TP53I13: variants seen among roughly 807,000 people sequenced by gnomAD.
TP53I13 encodes tumor protein p53 inducible protein 13.
In TP53I13, 27 loss-of-function variants were observed where a neutral mutation model predicts 39.1. That is an observed-to-expected ratio of 0.69 (90% CI 0.51 to 0.95). The LOEUF (loss-of-function observed/expected upper bound fraction) is 0.95, where lower values mean the gene tolerates loss of function less well. TP53I13 is among the 40% of genes least tolerant of loss of function. TP53I13 has a pLI of 0.00. For synonymous variants in TP53I13, 230 were observed against 224.6 expected (o/e 1.02, Z -0.22); for missense variants, 544 against 520.4 (o/e 1.05, Z -0.44).
chr17:29,571,471 G>T, intron 3 of TP53I13, 120 bp from the exon 4 acceptor site: 1 of 1,408,368 alleles, frequency 7.1e-7, no homozygotes, highest in East Asian at 2.4e-5. Flanking sequence ...GGGCCCTGAA[G>T]GTAGAAGAGC....
upstream of TP53I13, chr17:29,566,452 C>T (rs769028784): frequency 1.2e-6 from 2 of 1,612,172 alleles, no homozygotes; most frequent in African/African-American, 2.7e-5. Flanking sequence ...GAGCACGTTG[C>T]GGGTGAGGCG....
At chr17:29,571,488 G>T in intron 3 of TP53I13, 103 bp from the exon 4 acceptor site, 2 of 1,512,444 alleles carry the variant, frequency 1.3e-6, no homozygotes, top group South Asian at 2.5e-5. Context: ...GAGCCATCCA[G>T]CTATCCTGGG....
At chr17:29,569,403 G>A in intron 3 of TP53I13, 44 bp downstream of exon 3, 1 of 1,595,648 alleles carries the variant, frequency 6.3e-7, no homozygotes, top group Non-Finnish European at 8.6e-7. Context: ...TCCACGCCTG[G>A]AGACAGGCGC....
chr17:29,574,652 C>T (rs908517651), downstream of TP53I13: 36 of 1,427,458 alleles, frequency 2.5e-5, no homozygotes, highest in Non-Finnish European at 3.1e-5. Context: ...TGGCCCAGCT[C>T]CTATGGCCAG....
At chr17:29,577,612 G>T, downstream of TP53I13, 1 of 1,387,876 alleles carries the variant, frequency 7.2e-7, no homozygotes, top group Non-Finnish European at 1.0e-6. Flanking sequence ...GGATGAAGTA[G>T]ACCACCCCAG....
intron 5 of TP53I13, 21 bp from the exon 6 acceptor site, chr17:29,572,121 T>G: frequency 1.9e-6 from 3 of 1,610,026 alleles, no homozygotes; most frequent in South Asian, 1.1e-5. Context: ...GCAGGGTGAT[T>G]GCTCTCTCTC....
At chr17:29,568,455 C>A, upstream of TP53I13, 1 of 152,764 alleles carries the variant, frequency 6.5e-6, no homozygotes, top group Non-Finnish European at 1.5e-5. The surrounding 1 kb of genome is among the most constrained non-coding windows in gnomAD (Gnocchi z 4.5). Context: ...GACGAATCCC[C>A]GGACGAGGAA....
chr17:29,578,383 G>A, the TP53I13 span: 3 of 1,613,504 alleles, frequency 1.9e-6, no homozygotes, highest in Non-Finnish European at 2.5e-6. Flanking sequence ...TGGAGGAAGA[G>A]AGGGGCCCAG....
chr17:29,581,723 C>T, the TP53I13 span: 5 of 1,594,290 alleles, frequency 3.1e-6, no homozygotes, highest in Non-Finnish European at 4.3e-6. This position sits in a 1 kb window ranked among gnomAD's most constrained non-coding sequence, Gnocchi z 4.8. Flanking sequence ...CAGCCAGGCG[C>T]CCCCCAAGCT....
chr17:29,575,253 A>G (rs1448453890), downstream of TP53I13: 1 of 1,587,612 alleles, frequency 6.3e-7, no homozygotes, highest in South Asian at 1.1e-5. The surrounding 1 kb of genome is among the most constrained non-coding windows in gnomAD (Gnocchi z 5.5). Context: ...GCCAACAGGA[A>G]CTGCATCCCC....
downstream of TP53I13, chr17:29,575,731 G>A (rs781123598): frequency 6.2e-7 from 1 of 1,611,898 alleles, no homozygotes; most frequent in Non-Finnish European, 8.5e-7. This position sits in a 1 kb window ranked among gnomAD's most constrained non-coding sequence, Gnocchi z 5.5. Context: ...GGGGCTGTGA[G>A]CGCCGTGTTC....
chr17:29,569,679 TGAGGA>T (rs1201192583), intron 3 of TP53I13: 4 of 305,980 alleles, frequency 1.3e-5, no homozygotes, highest in African/African-American at 8.4e-5. Flanking sequence ...TCCAGCTCCC[TGAGGA>T]GACAGCGGGA....
chr17:29,578,083 C>CT (rs1384409798), downstream of TP53I13, among the ~76,000 whole-genome samples: 2 of 152,346 alleles, frequency 1.3e-5, no homozygotes, highest in Admixed American at 1.3e-4. Context: ...GAGCCCCAGT[C>CT]TGAGGCTGGG....
chr17:29,579,026 C>G, the TP53I13 span: 1 of 1,605,570 alleles, frequency 6.2e-7, no homozygotes, highest in South Asian at 1.1e-5. Flanking sequence ...AAGAACAGGA[C>G]AGAGGCGGCA....
At chr17:29,576,319 G>C, downstream of TP53I13, 7 of 1,613,100 alleles carry the variant, frequency 4.3e-6, no homozygotes, top group East Asian at 1.6e-4. Flanking sequence ...AAAAGGCCTG[G>C]CGATCCCTGC....
In TP53I13 at chr17:29,572,623, G is replaced by A. The variant is rs1490658624; in HGVS notation, c.995G>A (p.Arg332Gln). ...VLLTLATLCTRLHRNFRRGES... is the reference protein window; with the variant it reads ...VLLTLATLCTQLHRNFRRGES... ...CTCACCCTGGCCACGCTCTGCACAC[G>A]GCTGCACAGAAACTTCCGACGCGGG... is the stretch of plus-strand genomic sequence containing the variant. The change falls in exon 6 of 7, where the codon CGG becomes CAG. Residue 332 changes from arginine to glutamine, a missense_variant. Arg to Gln is a conservative substitution (Grantham distance 43). Coordinates refer to ENST00000301057, the MANE Select transcript of TP53I13 (RefSeq NM_138349.4). 3 of 1,590,698 alleles carry A rather than the reference G, an allele frequency of 1.9e-6. No individual in the cohort carries two copies. Among genetic ancestry groups the A allele is most frequent in the Non-Finnish European group, 2.6e-6 (3 of 1,169,416 alleles).
chr17:29,574,744 G>C (rs998555420), downstream of TP53I13: 1 of 1,613,598 alleles, frequency 6.2e-7, no homozygotes, highest in South Asian at 1.1e-5. Context: ...CCAGCTGCTT[G>C]GCAGCCTTGG....
In TP53I13 at chr17:29,572,312, G is replaced by A. The variant is rs1411153244; in HGVS notation, c.684G>A (p.Gly228=). 1.6e-5 allele frequency: 25 copies of A among 1,612,650 alleles called. No homozygotes were observed. Among genetic ancestry groups the A allele is most frequent in the Non-Finnish European group, 2.1e-5 (25 of 1,179,844 alleles). The change falls in exon 6 of 7, where the codon GGG becomes GGA. Residue 228 remains glycine, a synonymous_variant. Transcript: ENST00000301057. ...TGAGGTTTCCCTCTGCTTCCCCAGG[G>A]AGCTTGAAGGCCAAGCAGTCCATGG... The part of the protein sequence containing the change: ...SALRFPSASP[G]SLKAKQSMAG...
intron 2 of TP53I13, 115 bp downstream of exon 2, chr17:29,569,201 T>A: frequency 1.4e-6 from 2 of 1,479,996 alleles, no homozygotes; most frequent in Admixed American, 4.0e-5. Flanking sequence ...GGTTCCTCAG[T>A]CCTCAGTAGC....
Sources: gnomAD v4.1 joint callset for allele counts (sites outside exome capture counted in the v4.1 genomes callset) on GRCh38, gnomAD v4.1.1 for gene constraint, Gnocchi (gnomAD v3.1) non-coding constraint, MANE v1.5 for transcripts, NCBI Gene and HGNC (gene_info 2026-07-23, HGNC 2026-07-21) for gene names.